The following TRAF3 variants were observed in gnomAD, a reference collection of about 807,000 sequenced individuals.
The protein encoded by TRAF3 is TNF receptor-associated factor 3.
TRAF3 carries 13 observed loss-of-function variants against 62.3 expected under a neutral mutation model. The observed-to-expected ratio is 0.21, with a 90% CI of 0.14 to 0.33. The LOEUF is 0.33. TRAF3 is among the 10% of genes least tolerant of loss of function. The probability of loss-of-function intolerance (pLI) is 1.00; values close to 1 mark genes in which losing one functional copy is unlikely to be tolerated. For missense variants in TRAF3, 440 were observed against 741.8 expected (o/e 0.59, Z 4.73); for synonymous variants, 269 against 283.4 (o/e 0.95, Z 0.51).
At chr14:102,780,873 C>T (rs1290934983) in intron 1 of TRAF3, among the ~76,000 whole-genome samples, 2 of 152,136 alleles carry the variant, frequency 1.3e-5, no homozygotes, top group African/African-American at 4.8e-5. Context: ...TGCCAGAAAC[C>T]AGCAGATACT....
chr14:102,799,949 A>C (rs1898293998), intron 1 of TRAF3, among the ~76,000 whole-genome samples: 1 of 152,186 alleles, frequency 6.6e-6, no homozygotes, highest in Admixed American at 6.6e-5. Flanking sequence ...GTTGTCTCTG[A>C]GGAATTTAAT....
intron 8 of TRAF3, among the ~76,000 whole-genome samples, chr14:102,889,835 G>A (rs1889610060): frequency 6.6e-6 from 1 of 152,208 alleles, no homozygotes; most frequent in Non-Finnish European, 1.5e-5. Context: ...AGACTTCAGG[G>A]AGACACTGTG....
intron 1 of TRAF3, among the ~76,000 whole-genome samples, chr14:102,788,035 G>A (rs988383319): frequency 1.3e-5 from 2 of 151,476 alleles, no homozygotes; most frequent in Admixed American, 6.6e-5. Context: ...TATTTTTTTA[G>A]TAGAGACAGG....
chr14:102,906,021 T>C lies in TRAF3; in HGVS notation c.*237T>C. The C allele has an allele frequency of 2.2e-6, 1 of 453,834 alleles. No individual in the cohort carries two copies. Among genetic ancestry groups the C allele is most frequent in the Admixed American group, 3.9e-5 (1 of 25,668 alleles). 28.1% of individuals were successfully genotyped at this position (453,834 alleles called of 1,614,324 possible). ...TATCCTTCAACAAGATAAATATTGC[T>C]GTCAGAGAAGGTTTTCATTTTCATT... On this transcript the variant is annotated 3_prime_UTR_variant, in exon 12 of 12. Coordinates refer to ENST00000392745, the MANE Select transcript of TRAF3 (RefSeq NM_145725.3).
chr14:102,838,925 C>T (rs1434517262), intron 2 of TRAF3, among the ~76,000 whole-genome samples: 1 of 152,128 alleles, frequency 6.6e-6, no homozygotes, highest in Non-Finnish European at 1.5e-5. Context: ...AAATTTAATA[C>T]CATAACATTT....
At chr14:102,836,391 T>C (rs1245351548) in intron 2 of TRAF3, among the ~76,000 whole-genome samples, 1 of 152,284 alleles carries the variant, frequency 6.6e-6, no homozygotes, top group Non-Finnish European at 1.5e-5. Context: ...ATATTTTATG[T>C]TCAAGATATT....
rs1889372562 is a variant in TRAF3, at chr14:102,886,195, G to A, written c.577G>A (p.Glu193Lys). ...QVPMIALQKH[E>K]DTDCPCVVVS... ...GTACTTTCTCTCTCTGTAGAAACAC[G>A]AAGACACCGACTGTCCCTGCGTGGT... Residue 193 changes from glutamate to lysine, a missense_variant, in exon 7 of 12, where the codon GAA (glutamate) becomes AAA (lysine). Transcript: ENST00000392745. 6.2e-7 allele frequency: 1 copy of A among 1,612,970 alleles called. No individual in the cohort carries two copies. Among genetic ancestry groups the A allele is most frequent in the Non-Finnish European group, 8.5e-7 (1 of 1,179,440 alleles).
rs1057225452 is a variant in TRAF3, at chr14:102,909,148, G to A, written c.*3364G>A. The A allele has an allele frequency of 6.6e-6, 1 of 152,316 alleles. No homozygotes were observed. 9.4% of individuals were successfully genotyped at this position (152,316 alleles called of 1,614,324 possible). ...GCCAGCCCCAGCTGGGCTGGAGGGAGCCTGAGTGAGCCCCGACATACGCTG... is the reference window on the plus strand; with the variant it reads ...GCCAGCCCCAGCTGGGCTGGAGGGAACCTGAGTGAGCCCCGACATACGCTG... On this transcript the variant is annotated 3_prime_UTR_variant, in exon 12 of 12. Coordinates refer to ENST00000392745, the MANE Select transcript of TRAF3 (RefSeq NM_145725.3).
rs1889378007 is a variant in TRAF3, at chr14:102,886,254, T to C, written c.636T>C (p.Thr212=). 1.2e-6 allele frequency: 2 copies of C among 1,611,242 alleles called. No individual in the cohort carries two copies. The highest frequency in any genetic ancestry group is 1.7e-6 in the Non-Finnish European group (2 of 1,179,332). Residue 212 remains threonine (T), a synonymous_variant, in exon 7 of 12, where the codon ACT becomes ACC. Transcript: ENST00000392745. ...VSCPHKCSVQ[T]LLRSELSAHL... ...GCCCTCACAAGTGCAGCGTCCAGAC[T>C]CTCCTGAGGAGCGAGGTAGGGGCGG...
intron 2 of TRAF3, among the ~76,000 whole-genome samples, chr14:102,869,004 C>A (rs534862618): frequency 6.6e-6 from 1 of 152,150 alleles, no homozygotes; most frequent in African/African-American, 2.4e-5. Context: ...GAAGAGAGTC[C>A]GCGCAGACAG....
intron 1 of TRAF3, among the ~76,000 whole-genome samples, chr14:102,802,882 T>A: frequency 6.6e-6 from 1 of 152,114 alleles, no homozygotes; most frequent in East Asian, 1.9e-4. Flanking sequence ...AAAAGAGGTT[T>A]AATTGACTCA....
At chr14:102,868,688 C>G (rs988110532) in intron 2 of TRAF3, among the ~76,000 whole-genome samples, 1 of 152,220 alleles carries the variant, frequency 6.6e-6, no homozygotes, top group Non-Finnish European at 1.5e-5. Context: ...ATACCACCAT[C>G]TGGAAACATT....
intron 1 of TRAF3, among the ~76,000 whole-genome samples, chr14:102,815,346 A>G (rs1899449764): frequency 6.6e-6 from 1 of 151,906 alleles, no homozygotes; most frequent in Non-Finnish European, 1.5e-5. Context: ...TCATGTGTGT[A>G]TGTGTTGGTT....
chr14:102,792,717 T>C (rs1190742699), intron 1 of TRAF3, among the ~76,000 whole-genome samples: 2 of 152,184 alleles, frequency 1.3e-5, no homozygotes, highest in Non-Finnish European at 2.9e-5. Context: ...ACCCTTGCAT[T>C]CCTGGGATAA....
At chr14:102,808,167 C>G (rs1229922600) in intron 1 of TRAF3, among the ~76,000 whole-genome samples, 1 of 152,128 alleles carries the variant, frequency 6.6e-6, no homozygotes, top group Admixed American at 6.6e-5. Flanking sequence ...TGGTTTGCCA[C>G]AGGCTGATAC....
intron 2 of TRAF3, among the ~76,000 whole-genome samples, chr14:102,869,182 C>T (rs1437656891): frequency 6.6e-6 from 1 of 152,234 alleles, no homozygotes; most frequent in Non-Finnish European, 1.5e-5. Flanking sequence ...GCCCACTCCA[C>T]AGCTCTGTGC....
At chr14:102,868,639 A>G (rs764324424) in intron 2 of TRAF3, among the ~76,000 whole-genome samples, 15 of 152,222 alleles carry the variant, frequency 9.9e-5, no homozygotes, top group Admixed American at 8.5e-4. Context: ...TGGCCATTGC[A>G]TGGTATCCAG....
chr14:102,905,766 G>A lies in TRAF3; in HGVS notation c.1689G>A (p.Ser563=), dbSNP rs148195281. 2,094 of 1,613,466 alleles carry A rather than the reference G, an allele frequency of 1.3e-3. 17 individuals are homozygous for A. The highest frequency in any genetic ancestry group is 2.1e-3 in the South Asian group (192 of 90,976). Residue 563 remains serine (S), a synonymous_variant, in exon 12 of 12, where the codon TCG becomes TCA. Coordinates refer to ENST00000392745, the MANE Select transcript of TRAF3 (RefSeq NM_145725.3). ...TTATTAAAGTCATAGTGGATACTTC[G>A]GATCTGCCCGATCCCTGATAAGTAG... ...TIFIKVIVDT[S]DLPDP
At chr14:102,836,124 A>G (rs1885987472) in intron 2 of TRAF3, among the ~76,000 whole-genome samples, 2 of 152,226 alleles carry the variant, frequency 1.3e-5, no homozygotes, top group African/African-American at 4.8e-5. Context: ...GTCTGTGACC[A>G]TCTGGGGCAG....
Sources: gnomAD v4.1 joint callset for allele counts (sites outside exome capture counted in the v4.1 genomes callset) on GRCh38, gnomAD v4.1.1 for gene constraint, MANE v1.5 for transcripts, NCBI Gene and HGNC (gene_info 2026-07-23, HGNC 2026-07-21) for gene names.